Variants in LGALS8 observed in about 807,000 individuals in gnomAD.
The protein encoded by LGALS8 is galectin 8.
A neutral mutation model predicts 35.9 loss-of-function variants in LGALS8; 30 were observed. The ratio of observed to expected loss-of-function variants is 0.83; its 90% confidence interval spans 0.62 to 1.13. The LOEUF is 1.13. Among genes scored for constraint, LGALS8 ranks in the 50% most tolerant of loss-of-function variants. The pLI is 0.00. For synonymous variants in LGALS8, 138 were observed against 136.1 expected (o/e 1.01, Z -0.10); for missense variants, 366 against 388.7 (o/e 0.94, Z 0.49).
chr1:236,550,992 TA>T lies in LGALS8; in HGVS notation c.*2849del, dbSNP rs55866014. The T allele has an allele frequency of 0.083, 102,320 of 1,230,754 alleles. 2 individuals are homozygous for T. The highest frequency in any genetic ancestry group is 0.15 in the Middle Eastern group (616 of 4,056). 76.2% of individuals were successfully genotyped at this position (1,230,754 alleles called of 1,614,324 possible). A position where few individuals can be genotyped will look rare whatever the true frequency, so the allele number is the denominator to read the frequency against. ...GATGTTCTACTTCTTCACATTCATC[TA>T]AAAAAAAAAAAAAAAAATCAAAATT... On this transcript the variant is annotated 3_prime_UTR_variant, in exon 10 of 10. Coordinates refer to ENST00000366584, the MANE Select transcript of LGALS8 (RefSeq NM_201544.4).
At chr1:236,524,613 A>G (rs1295457702) in intron 1 of LGALS8, 6 of 359,148 alleles carry the variant, frequency 1.7e-5, no homozygotes, top group Non-Finnish European at 3.4e-5. Flanking sequence ...AACTTAAGTG[A>G]TGGCTGCTTG....
At chr1:236,523,789 G>C (rs1660635205), upstream of LGALS8, 1 of 344,924 alleles carries the variant, frequency 2.9e-6, no homozygotes, top group African/African-American at 2.1e-5. Flanking sequence ...CAAGGCTCCA[G>C]AGGCTGTGCA....
chr1:236,543,345 A>T, intron 7 of LGALS8: 1 of 682,398 alleles, frequency 1.5e-6, no homozygotes. Context: ...CCTGTCACTC[A>T]TTTCATCGTC....
Position 236,550,975 on chromosome 1 carries a change from ACTT to A in LGALS8, c.*2819_*2821del, listed in dbSNP as rs768966751. The A allele has an allele frequency of 2.0e-5, 30 of 1,494,860 alleles. No homozygotes were observed. Among genetic ancestry groups the A allele is most frequent in the Non-Finnish European group, 2.6e-5 (28 of 1,084,678 alleles). 92.6% of individuals were successfully genotyped at this position (1,494,860 alleles called of 1,614,324 possible). A position where few individuals can be genotyped will look rare whatever the true frequency, so the allele number is the denominator to read the frequency against. On this transcript the variant is annotated 3_prime_UTR_variant, in exon 10 of 10. Transcript: ENST00000366584. ...AATAGTCTTTTGGCACTGATGTTCT[ACTT>A]CTTCACATTCATCTAAAAAAAAAAA...
chr1:236,525,871 T>C (rs1660788319), intron 1 of LGALS8, 97 bp from the exon 2 acceptor site: 1 of 432,348 alleles, frequency 2.3e-6, no homozygotes, highest in African/African-American at 2.0e-5. Context: ...ATTTGGTAAA[T>C]ATCAGTAACA....
rs1055483904 is a variant in LGALS8 at position 236,550,197 on chromosome 1, C to T, written c.*2036C>T. The T allele has an allele frequency of 6.6e-6, 1 of 152,172 alleles. No individual in the cohort carries two copies. The highest frequency in any genetic ancestry group is 2.4e-5 in the African/African-American group (1 of 41,416). 9.4% of individuals were successfully genotyped at this position (152,172 alleles called of 1,614,324 possible). A position where few individuals can be genotyped will look rare whatever the true frequency, so the allele number is the denominator to read the frequency against. Reference sequence around the variant, plus strand: ...AATGGAACTGGGTTCATTCTGAATCCTGGAGGAGCTTCCTCGTGCCACCCA... The same window carrying T: ...AATGGAACTGGGTTCATTCTGAATCTTGGAGGAGCTTCCTCGTGCCACCCA... On this transcript the variant is annotated 3_prime_UTR_variant, in exon 10 of 10. Transcript: ENST00000366584.
chr1:236,523,275 T>C (rs2799419), upstream of LGALS8: 140,463 of 152,302 alleles, frequency 0.92, 65,689 homozygotes, highest in East Asian at 1. Context: ...GCAGGATAAC[T>C]GGCGAGTGAC....
chr1:236,544,655 C>A, intron 8 of LGALS8, 95 bp from the exon 9 acceptor site: 1 of 899,436 alleles, frequency 1.1e-6, no homozygotes, highest in Non-Finnish European at 1.6e-6. Flanking sequence ...GAGTTAGAAT[C>A]ATAGTTCAAG....
rs1662605186 is a variant in LGALS8 at position 236,549,324 on chromosome 1, TGTATATGGGATCTTTACAGGTCA to T, written c.*1165_*1187del. 4.8e-6 allele frequency: 1 copy of T among 208,902 alleles called. No individual in the cohort carries two copies. Among genetic ancestry groups the T allele is most frequent in the Non-Finnish European group, 9.5e-6 (1 of 105,704 alleles). The allele number at this position is 208,902 out of a possible 1,614,324, so 12.9% of individuals were successfully genotyped here. ...TTGAGGGGAGTTGGCAGAAGTTCCATGTATATGGGATCTTTACAGGTCAGATCTTGTTACAGGAAATTTCAAAG... is the reference window on the plus strand; with the variant it reads ...TTGAGGGGAGTTGGCAGAAGTTCCATGATCTTGTTACAGGAAATTTCAAAG... On this transcript the variant is annotated 3_prime_UTR_variant, in exon 10 of 10. Transcript: ENST00000366584.
rs1028667035 is a variant in LGALS8, at chr1:236,552,773, C to G, written c.*4612C>G. The stretch of plus-strand genomic sequence containing the variant: ...ATATTTTAATTAAAGAATATCTGGA[C>G]AGTACAAAGTGAATTATTAAAAAAC... On this transcript the variant is annotated 3_prime_UTR_variant, in exon 10 of 10. Transcript: ENST00000366584. 3.3e-5 allele frequency: 5 copies of G among 152,200 alleles called. No homozygotes were observed. Among genetic ancestry groups the G allele is most frequent in the African/African-American group, 1.2e-4 (5 of 41,454 alleles). The allele number at this position is 152,200 out of a possible 1,614,324, so 9.4% of individuals were successfully genotyped here.
intron 1 of LGALS8, among the ~76,000 whole-genome samples, 163 bp from the exon 2 acceptor site, chr1:236,525,805 T>C (rs1266436251): frequency 2.6e-5 from 4 of 152,228 alleles, no homozygotes; most frequent in Non-Finnish European, 5.9e-5. Context: ...TTATTTAGTA[T>C]ATGAGCACAC....
upstream of LGALS8, among the ~76,000 whole-genome samples, chr1:236,522,180 G>A (rs1391698415): frequency 6.6e-6 from 1 of 152,200 alleles, no homozygotes; most frequent in Non-Finnish European, 1.5e-5. Context: ...TTTTAATCCA[G>A]ATTTTCTTTG....
At chr1:236,529,063 C>T (rs1184388807) in intron 2 of LGALS8, among the ~76,000 whole-genome samples, 1 of 150,684 alleles carries the variant, frequency 6.6e-6, no homozygotes, top group African/African-American at 2.4e-5. Context: ...ATCACTTGAG[C>T]CCAGGAGTTC....
chr1:236,534,768 T>C (rs926041264), intron 2 of LGALS8, among the ~76,000 whole-genome samples: 4 of 152,024 alleles, frequency 2.6e-5, no homozygotes, highest in Non-Finnish European at 4.4e-5. Flanking sequence ...TTAGAAGTGA[T>C]GGGGGCCGGG....
intron 2 of LGALS8, among the ~76,000 whole-genome samples, chr1:236,529,634 T>TTC (rs1558156548): frequency 1.5e-4 from 19 of 127,638 alleles, no homozygotes; most frequent in East Asian, 2.3e-4. Context: ...TTTTTTTTTT[T>TTC]TTTCTTTCTT....
Position 236,542,715 on chromosome 1 carries a change from A to G in LGALS8, c.523-46A>G, listed in dbSNP as rs755806321. On this transcript the variant is annotated intron_variant, in intron 6 of 9. Coordinates refer to ENST00000366584, the MANE Select transcript of LGALS8 (RefSeq NM_201544.4). ...CCAAGACTTCAGATTATAAACTATA[A>G]TTCTTCCCCTTCTAACATTGTTGTG... The G allele has an allele frequency of 5.0e-6, 8 of 1,595,662 alleles. No individual in the cohort carries two copies. In the Admixed American group the frequency reaches 1.2e-4, roughly 23 times the overall value.
Position 236,552,204 on chromosome 1 carries a change from A to T in LGALS8, c.*4043A>T, listed in dbSNP as rs1181987382. 6.9e-6 allele frequency: 5 copies of T among 726,616 alleles called. No homozygotes were observed. The highest frequency in any genetic ancestry group is 9.4e-6 in the Non-Finnish European group (4 of 425,262). 45.0% of individuals were successfully genotyped at this position (726,616 alleles called of 1,614,324 possible). A position where few individuals can be genotyped will look rare whatever the true frequency, so the allele number is the denominator to read the frequency against. On this transcript the variant is annotated 3_prime_UTR_variant, in exon 10 of 10. Coordinates refer to ENST00000366584, the MANE Select transcript of LGALS8 (RefSeq NM_201544.4). ...CTTGAGACAAGCTCTAACTTTTTAAACATTAGTTCACATGCGTTTATTCAC... is the reference window on the plus strand; with the variant it reads ...CTTGAGACAAGCTCTAACTTTTTAATCATTAGTTCACATGCGTTTATTCAC...
At chr1:236,533,909 C>G (rs116087020) in intron 2 of LGALS8, among the ~76,000 whole-genome samples, 1 of 152,120 alleles carries the variant, frequency 6.6e-6, no homozygotes, top group South Asian at 2.1e-4. Flanking sequence ...TGTCTCTGAC[C>G]CCAGATGTAG....
intron 5 of LGALS8, among the ~76,000 whole-genome samples, chr1:236,541,122 G>GT (rs1661964416): frequency 6.6e-6 from 1 of 152,132 alleles, no homozygotes. Context: ...CTATGTTTAG[G>GT]TAAGTTTATA....
Sources: gnomAD v4.1 joint callset for allele counts (sites outside exome capture counted in the v4.1 genomes callset) on GRCh38, gnomAD v4.1.1 for gene constraint, MANE v1.5 for transcripts, NCBI Gene and HGNC (gene_info 2026-07-23, HGNC 2026-07-21) for gene names.